Variants in EXOC6B observed in about 807,000 individuals in gnomAD.
EXOC6B encodes the protein SEC15 homolog B.
EXOC6B carries 54 observed loss-of-function variants against 113.5 expected under a neutral mutation model. The ratio of observed to expected loss-of-function variants is 0.48; its 90% CI spans 0.38 to 0.60. EXOC6B has a LOEUF of 0.60. Ranked by LOEUF, EXOC6B falls within the 20% of genes least tolerant of loss-of-function variation. EXOC6B has a pLI of 0.00. For missense variants in EXOC6B, 797 were observed against 977.5 expected (o/e 0.82, Z 2.46); for synonymous variants, 357 against 339.0 (o/e 1.05, Z -0.58).
chr2:72,225,344 C>G (rs1681171331), intron 20 of EXOC6B, among the ~76,000 whole-genome samples: 1 of 152,080 alleles, frequency 6.6e-6, no homozygotes, highest in Admixed American at 6.6e-5. Context: ...TTACTGAGCA[C>G]TTGATGTGTC....
chr2:72,397,259 C>G (rs990671045), intron 18 of EXOC6B, among the ~76,000 whole-genome samples: 5 of 152,082 alleles, frequency 3.3e-5, no homozygotes, highest in African/African-American at 4.8e-5. Context: ...AAAAGGATAA[C>G]AAAGACCTCA....
At chr2:72,545,350 T>C (rs1026446038) in intron 8 of EXOC6B, among the ~76,000 whole-genome samples, 3 of 152,254 alleles carry the variant, frequency 2.0e-5, no homozygotes, top group South Asian at 4.1e-4. Flanking sequence ...TTTTGAAGTA[T>C]TTCATTTAAA....
intron 8 of EXOC6B, among the ~76,000 whole-genome samples, chr2:72,541,804 C>T (rs78849360): frequency 6.6e-6 from 1 of 152,120 alleles, no homozygotes; most frequent in African/African-American, 2.4e-5. Flanking sequence ...GGTGTTTTTA[C>T]ATAGACTTTT....
chr2:72,420,563 G>A (rs992099003), intron 18 of EXOC6B, among the ~76,000 whole-genome samples: 1 of 152,140 alleles, frequency 6.6e-6, no homozygotes, highest in Admixed American at 6.5e-5. Flanking sequence ...CAAAGGACAT[G>A]AGCTCATCCT....
At chr2:72,219,271 C>A (rs1283734137) in intron 20 of EXOC6B, among the ~76,000 whole-genome samples, 2 of 151,032 alleles carry the variant, frequency 1.3e-5, no homozygotes, top group Non-Finnish European at 2.9e-5. Context: ...CAAGAGGGAG[C>A]AAGGGGGAAG....
At chr2:72,653,928 C>T (rs531549770) in intron 6 of EXOC6B, among the ~76,000 whole-genome samples, 2 of 151,588 alleles carry the variant, frequency 1.3e-5, no homozygotes, top group South Asian at 4.2e-4. Flanking sequence ...TTTGGAATAA[C>T]CTTTGATAAT....
chr2:72,410,995 G>A (rs988690479), intron 18 of EXOC6B, among the ~76,000 whole-genome samples: 2 of 152,150 alleles, frequency 1.3e-5, no homozygotes, highest in African/African-American at 2.4e-5. Flanking sequence ...GATAGCCTGA[G>A]CTCAAGAGTT....
At chr2:72,259,343 T>A (rs1683563674) in intron 20 of EXOC6B, among the ~76,000 whole-genome samples, 1 of 152,236 alleles carries the variant, frequency 6.6e-6, no homozygotes, top group Non-Finnish European at 1.5e-5. Flanking sequence ...TGTGTCCGTG[T>A]TGTTGTGTGT....
chr2:72,274,855 T>C (rs1684717316), intron 20 of EXOC6B, among the ~76,000 whole-genome samples: 1 of 152,168 alleles, frequency 6.6e-6, no homozygotes, highest in Non-Finnish European at 1.5e-5. Flanking sequence ...AAAGATGTTC[T>C]CAGCCAAAAC....
chr2:72,354,206 T>A (rs1158004211), intron 19 of EXOC6B: 1 of 152,138 alleles, frequency 6.6e-6, no homozygotes, highest in Non-Finnish European at 1.5e-5. Flanking sequence ...ATGGAATAAG[T>A]ACCATATTTA....
chr2:72,330,615 C>T (rs1287711279), intron 20 of EXOC6B, among the ~76,000 whole-genome samples: 1 of 152,076 alleles, frequency 6.6e-6, no homozygotes, highest in Non-Finnish European at 1.5e-5. Context: ...CTCAGGCACA[C>T]ATAGGCCTCT....
intron 20 of EXOC6B, among the ~76,000 whole-genome samples, chr2:72,326,204 C>A (rs1688120091): frequency 6.6e-6 from 1 of 152,130 alleles, no homozygotes; most frequent in Admixed American, 6.6e-5. Flanking sequence ...GCCTCTGATA[C>A]CACTGCTACT....
At chr2:72,629,288 G>A (rs1397015976) in intron 6 of EXOC6B, among the ~76,000 whole-genome samples, 2 of 152,134 alleles carry the variant, frequency 1.3e-5, no homozygotes, top group Non-Finnish European at 2.9e-5. Flanking sequence ...TATTCATACA[G>A]CCTTGGCTTT....
intron 20 of EXOC6B, among the ~76,000 whole-genome samples, chr2:72,207,492 C>T (rs73942560): frequency 1.3e-4 from 20 of 152,230 alleles, no homozygotes; most frequent in African/African-American, 4.3e-4. Context: ...AGTTAATTCA[C>T]GCAAAAGCAC....
intron 1 of EXOC6B, among the ~76,000 whole-genome samples, chr2:72,786,346 T>A (rs552596467): frequency 6.6e-6 from 1 of 152,318 alleles, no homozygotes; most frequent in African/African-American, 2.4e-5. Flanking sequence ...CAAACACTTA[T>A]TGAGCACTTA....
At chr2:72,272,393 CA>C (rs1221383127) in intron 20 of EXOC6B, among the ~76,000 whole-genome samples, 2 of 152,090 alleles carry the variant, frequency 1.3e-5, no homozygotes, top group African/African-American at 4.8e-5. Context: ...ATTCATTCAG[CA>C]AATCCTGTGA....
At chr2:72,439,928 T>G (rs575176380) in intron 18 of EXOC6B, among the ~76,000 whole-genome samples, 1 of 152,188 alleles carries the variant, frequency 6.6e-6, no homozygotes, top group South Asian at 2.1e-4. Context: ...CTTCTCCATA[T>G]GGCTGCTGTG....
At position 72,575,463 on chromosome 2, in the gene EXOC6B, C is replaced by A. The variant is rs369333531; in HGVS notation, c.846+29G>T. 2.0e-5 allele frequency: 32 copies of A among 1,585,364 alleles called. No homozygotes were observed. In the South Asian group the frequency reaches 3.1e-4, roughly 16 times the overall value. On this transcript the variant is annotated intron_variant, in intron 7 of 21. Transcript: ENST00000272427. The stretch of plus-strand genomic sequence containing the variant: ...CATACTATTTAAGCTTAAAAATAGT[C>A]TCACTTCCCAACATCAAATGTTACT...
At chr2:72,404,666 A>G (rs1693600132) in intron 18 of EXOC6B, among the ~76,000 whole-genome samples, 1 of 152,186 alleles carries the variant, frequency 6.6e-6, no homozygotes, top group Non-Finnish European at 1.5e-5. Flanking sequence ...TAGAAGGAAA[A>G]CTAACAAACA....
Sources: gnomAD v4.1 joint callset for allele counts (sites outside exome capture counted in the v4.1 genomes callset) on GRCh38, gnomAD v4.1.1 for gene constraint, MANE v1.5 for transcripts, NCBI Gene and HGNC (gene_info 2026-07-23, HGNC 2026-07-21) for gene names.